The following PIK3CB variants were observed in gnomAD, a reference collection of about 807,000 sequenced individuals.
The protein encoded by PIK3CB is phosphatidylinositol-4,5-bisphosphate 3-kinase catalytic subunit beta.
Under a neutral mutation model 136.8 loss-of-function variants are expected in PIK3CB, and 39 were observed. That is an observed-to-expected ratio of 0.29 (90% CI 0.22 to 0.37). PIK3CB has a LOEUF of 0.37. PIK3CB is among the 10% of genes least tolerant of loss of function. The pLI, the probability that PIK3CB is intolerant of heterozygous loss-of-function variation, is 1.00. For missense variants in PIK3CB, 868 were observed against 1,275.4 expected, an observed-to-expected ratio of 0.68 and a Z score of 4.87; for synonymous variants, 428 against 436.6, an observed-to-expected ratio of 0.98 and a Z score of 0.25.
intron 1 of PIK3CB, among the ~76,000 whole-genome samples, chr3:138,809,636 A>G (rs1463315808): frequency 5.3e-5 from 8 of 151,928 alleles, no homozygotes; most frequent in African/African-American, 1.7e-4. Context: ...GAAAATTAAA[A>G]GCCAGATTTT....
chr3:138,721,994 C>T (rs1220996128), intron 8 of PIK3CB, among the ~76,000 whole-genome samples: 2 of 152,080 alleles, frequency 1.3e-5, no homozygotes, highest in Non-Finnish European at 2.9e-5. Context: ...AATATTATAA[C>T]TGATCATGTT....
chr3:138,720,983 A>G (rs2044713720), intron 8 of PIK3CB, among the ~76,000 whole-genome samples: 1 of 152,218 alleles, frequency 6.6e-6, no homozygotes, highest in Non-Finnish European at 1.5e-5. Context: ...TTTACTCTCC[A>G]GAGAGATAAT....
chr3:138,675,157 A>G (rs1424911233), intron 19 of PIK3CB, among the ~76,000 whole-genome samples: 1 of 152,232 alleles, frequency 6.6e-6, no homozygotes, highest in Non-Finnish European at 1.5e-5. Flanking sequence ...GAAATTCCAG[A>G]GTTGAAAAGG....
chr3:138,756,069 A>G (rs377494169), intron 3 of PIK3CB, 90 bp from the exon 4 acceptor site: 20 of 556,688 alleles, frequency 3.6e-5, no homozygotes, highest in South Asian at 2.5e-4. Context: ...ACTGTTTGTA[A>G]AAATAAAAAA....
intron 19 of PIK3CB, among the ~76,000 whole-genome samples, chr3:138,681,067 GAC>G (rs1438269451): frequency 7.6e-6 from 1 of 131,346 alleles, no homozygotes; most frequent in Non-Finnish European, 1.6e-5. Context: ...TTTTTTTTGA[GAC>G]AGAGTCTCAC....
chr3:138,827,621 G>A (rs945398083), intron 1 of PIK3CB, among the ~76,000 whole-genome samples: 1 of 151,932 alleles, frequency 6.6e-6, no homozygotes, highest in African/African-American at 2.4e-5. Flanking sequence ...CGAGGTTACG[G>A]TGAGCTACGA....
At chr3:138,782,033 T>C (rs1287034084) in intron 2 of PIK3CB, among the ~76,000 whole-genome samples, 3 of 152,260 alleles carry the variant, frequency 2.0e-5, no homozygotes, top group South Asian at 2.1e-4. Context: ...TATGAATCAA[T>C]TGACTCAAGC....
chr3:138,659,866 C>CTT (rs56255742), intron 21 of PIK3CB, among the ~76,000 whole-genome samples: 1,114 of 75,470 alleles, frequency 0.015, 171 homozygotes, highest in African/African-American at 0.059. Context: ...CTTTCCTCTT[C>CTT]TTTTTTTTTT....
rs891998697 is a variant in PIK3CB, at chr3:138,746,066, G to A, written c.398-3285C>T. Among the ~76,000 whole-genome samples, 4 of 152,180 alleles carry A rather than the reference G, an allele frequency of 2.6e-5. No individual in the cohort carries two copies. In the East Asian group the frequency reaches 7.8e-4, roughly 30 times the overall value. ...GTTCGAGACCAGCCTGGGCAACATA[G>A]TGAGACCTCATCTCTATAAAAAATT... On this transcript the variant is annotated intron_variant, in intron 4 of 23. Transcript: ENST00000674063.
chr3:138,806,762 G>C (rs1464787917), intron 1 of PIK3CB, among the ~76,000 whole-genome samples: 2 of 152,160 alleles, frequency 1.3e-5, no homozygotes, highest in African/African-American at 2.4e-5. Context: ...TCTTGGATGG[G>C]AATCACCCTG....
At chr3:138,748,156 TACACACACACACACACAC>T (rs3071146) in intron 4 of PIK3CB, among the ~76,000 whole-genome samples, 9 of 142,894 alleles carry the variant, frequency 6.3e-5, no homozygotes, top group African/African-American at 1.3e-4. Context: ...TTAGAAATCA[TACACACACACACACACAC>T]ACACACACAC....
intron 2 of PIK3CB, among the ~76,000 whole-genome samples, chr3:138,790,330 C>T (rs1027470619): frequency 2.6e-5 from 4 of 151,876 alleles, no homozygotes; most frequent in African/African-American, 9.7e-5. Context: ...GGTTAAATTT[C>T]CCCCAGATGC....
intron 14 of PIK3CB, among the ~76,000 whole-genome samples, chr3:138,692,197 C>T (rs2044024723): frequency 6.6e-6 from 1 of 152,170 alleles, no homozygotes; most frequent in Admixed American, 6.5e-5. Context: ...GCCCCAAGTG[C>T]TCCACTTACT....
At chr3:138,784,988 C>T (rs1036759769) in intron 2 of PIK3CB, among the ~76,000 whole-genome samples, 61 of 152,176 alleles carry the variant, frequency 4.0e-4, no homozygotes, top group African/African-American at 1.4e-3. Flanking sequence ...TGAGGAGCCC[C>T]TCCACCCGGC....
intron 2 of PIK3CB, among the ~76,000 whole-genome samples, chr3:138,794,519 GA>G (rs1240243153): frequency 6.6e-6 from 1 of 152,146 alleles, no homozygotes; most frequent in Non-Finnish European, 1.5e-5. Context: ...GTGAACATGA[GA>G]AATTTGACAC....
chr3:138,678,938 T>C (rs1482809536), intron 19 of PIK3CB, among the ~76,000 whole-genome samples: 1 of 152,016 alleles, frequency 6.6e-6, no homozygotes, highest in Non-Finnish European at 1.5e-5. Context: ...TGGTGACCCG[T>C]GCCTGTAATC....
At chr3:138,669,349 G>T (rs361092) in intron 19 of PIK3CB, among the ~76,000 whole-genome samples, 1,509 of 147,290 alleles carry the variant, frequency 0.01, 26 homozygotes, top group Admixed American at 0.048. Flanking sequence ...TTGAGGTTGC[G>T]GTGAACCATG....
chr3:138,745,958 T>C (rs1041187386), intron 4 of PIK3CB, among the ~76,000 whole-genome samples: 2 of 152,054 alleles, frequency 1.3e-5, no homozygotes, highest in African/African-American at 4.8e-5. Flanking sequence ...ATTAAAAACT[T>C]GTTCAGGGTC....
chr3:138,830,518 A>G (rs1222543560), intron 1 of PIK3CB, among the ~76,000 whole-genome samples: 1 of 151,904 alleles, frequency 6.6e-6, no homozygotes, highest in Non-Finnish European at 1.5e-5. Context: ...GCGCCACCGC[A>G]CTCCAGCCTG....
Sources: allele counts gnomAD v4.1 joint callset (sites outside exome capture counted in the v4.1 genomes callset), GRCh38; gene constraint gnomAD v4.1.1; transcripts MANE v1.5; gene names NCBI Gene and HGNC (gene_info 2026-07-23, HGNC 2026-07-21).